The following DLG2 variants were observed in gnomAD, a reference collection of about 807,000 sequenced individuals.
The protein encoded by DLG2 is discs large MAGUK scaffold protein 2, also known as disks large homolog 2.
DLG2 carries 45 observed loss-of-function variants against 132.5 expected under a neutral mutation model. The observed-to-expected ratio is 0.34, with a 90% confidence interval of 0.27 to 0.44. The LOEUF (loss-of-function observed/expected upper bound fraction) is 0.44, where lower values mean the gene tolerates loss of function less well. Ranked by LOEUF, DLG2 falls within the 20% of genes least tolerant of loss-of-function variation. The probability of loss-of-function intolerance (pLI) is 1.00; values close to 1 mark genes in which losing one functional copy is unlikely to be tolerated. For missense variants in DLG2, 1,045 were observed against 1,196.9 expected, an observed-to-expected ratio of 0.87 and a Z score of 1.87; for synonymous variants, 424 against 419.6, an observed-to-expected ratio of 1.01 and a Z score of -0.13.
intron 11 of DLG2, among the ~76,000 whole-genome samples, chr11:84,054,776 ACT>A (rs1555302123): frequency 6.6e-6 from 1 of 152,110 alleles, no homozygotes; most frequent in Non-Finnish European, 1.5e-5. Flanking sequence ...GCCACAAATC[ACT>A]GTTTCACAGA....
intron 3 of DLG2, among the ~76,000 whole-genome samples, chr11:85,564,251 T>C (rs1240359854): frequency 6.6e-6 from 1 of 151,986 alleles, no homozygotes; most frequent in Non-Finnish European, 1.5e-5. Flanking sequence ...AAGGCAGAAG[T>C]TTTTAACTTT....
chr11:83,969,229 G>T (rs1382451603), intron 12 of DLG2, among the ~76,000 whole-genome samples: 3 of 152,120 alleles, frequency 2.0e-5, no homozygotes, highest in Admixed American at 2.0e-4. Context: ...AGATGAAAAT[G>T]AGATTATATT....
At chr11:84,407,585 C>T (rs1223724367) in intron 7 of DLG2, among the ~76,000 whole-genome samples, 1 of 152,136 alleles carries the variant, frequency 6.6e-6, no homozygotes, top group Non-Finnish European at 1.5e-5. Flanking sequence ...TCCTTCCAAC[C>T]CTGCTCTGAT....
chr11:84,025,464 C>A (rs2095513789), intron 11 of DLG2, among the ~76,000 whole-genome samples: 1 of 152,126 alleles, frequency 6.6e-6, no homozygotes, highest in Non-Finnish European at 1.5e-5. Flanking sequence ...ACAGCCAAAC[C>A]ATATCAGCTC....
chr11:84,710,313 T>C (rs1175199405), intron 6 of DLG2, among the ~76,000 whole-genome samples: 1 of 151,886 alleles, frequency 6.6e-6, no homozygotes, highest in Non-Finnish European at 1.5e-5. Context: ...TAACCTGAGG[T>C]GCCCACTATA....
At chr11:85,335,241 C>CT (rs34680409) in intron 3 of DLG2, among the ~76,000 whole-genome samples, 112,372 of 148,250 alleles carry the variant, frequency 0.76, 43,052 homozygotes, top group Non-Finnish European at 0.84. Flanking sequence ...AGCATCTCTG[C>CT]TTTTTTTTTT....
At chr11:84,451,006 C>T (rs1165752463) in intron 7 of DLG2, among the ~76,000 whole-genome samples, 1 of 151,814 alleles carries the variant, frequency 6.6e-6, no homozygotes, top group Non-Finnish European at 1.5e-5. Flanking sequence ...CAAACCTGCA[C>T]ATGTACCCTT....
chr11:84,346,843 T>C (rs943212635), intron 7 of DLG2, among the ~76,000 whole-genome samples: 3 of 152,210 alleles, frequency 2.0e-5, no homozygotes, highest in Non-Finnish European at 4.4e-5. Context: ...CCCAAGAGAC[T>C]GCAGTTTTCA....
chr11:83,986,697 T>G (rs1424515505), intron 11 of DLG2, among the ~76,000 whole-genome samples: 2 of 152,104 alleles, frequency 1.3e-5, no homozygotes, highest in African/African-American at 4.8e-5. Context: ...GTGTTCCTAT[T>G]TCTCCACATC....
intron 12 of DLG2, among the ~76,000 whole-genome samples, chr11:83,971,313 A>G (rs35540097): frequency 0.043 from 6,466 of 152,088 alleles, 198 homozygotes; most frequent in Non-Finnish European, 0.067. Context: ...GCCAAGAAAG[A>G]GAGGCTGGAG....
chr11:85,465,558 T>C (rs2092761223), intron 3 of DLG2, among the ~76,000 whole-genome samples: 1 of 152,162 alleles, frequency 6.6e-6, no homozygotes, highest in Non-Finnish European at 1.5e-5. Flanking sequence ...ATGTGGTATT[T>C]GGTTTTTTGT....
At chr11:85,137,231 T>C (rs971205949) in intron 5 of DLG2, among the ~76,000 whole-genome samples, 2 of 152,066 alleles carry the variant, frequency 1.3e-5, no homozygotes, top group Non-Finnish European at 2.9e-5. Context: ...GTAATAAATA[T>C]AAGCATGTTA....
At chr11:83,774,280 T>G (rs1162999676) in intron 18 of DLG2, among the ~76,000 whole-genome samples, 1 of 152,182 alleles carries the variant, frequency 6.6e-6, no homozygotes, top group Non-Finnish European at 1.5e-5. Flanking sequence ...TATCTCTCTC[T>G]CCACATAATA....
At chr11:83,884,306 C>T (rs530025888) in intron 15 of DLG2, among the ~76,000 whole-genome samples, 4 of 152,310 alleles carry the variant, frequency 2.6e-5, no homozygotes, top group East Asian at 1.9e-4. Flanking sequence ...GCATCTGGCT[C>T]GGAGGGTCCT....
intron 3 of DLG2, among the ~76,000 whole-genome samples, chr11:85,519,725 C>CGGATGAGATTTGG (rs1228402496): frequency 1.3e-5 from 2 of 152,066 alleles, no homozygotes; most frequent in Non-Finnish European, 2.9e-5. Flanking sequence ...TGGTTTGGCT[C>CGGATGAGATTTGG]ATCCAAATCT....
At chr11:83,860,808 C>T (rs2061334011) in intron 16 of DLG2, among the ~76,000 whole-genome samples, 1 of 152,054 alleles carries the variant, frequency 6.6e-6, no homozygotes, top group Non-Finnish European at 1.5e-5. Context: ...TGGGAGGGAC[C>T]CTGTGGGAGA....
At chr11:85,123,960 G>A (rs1445747564) in intron 5 of DLG2, among the ~76,000 whole-genome samples, 1 of 152,130 alleles carries the variant, frequency 6.6e-6, no homozygotes, top group Admixed American at 6.5e-5. Flanking sequence ...GAAGCCAGAG[G>A]AAATCCCCAT....
chr11:83,651,809 A>G (rs1479769676), intron 18 of DLG2: 1 of 471,010 alleles, frequency 2.1e-6, no homozygotes, highest in South Asian at 1.5e-5. Flanking sequence ...CACTTAGAGG[A>G]TTACAGCATG....
At chr11:85,290,439 C>T (rs544846391) in intron 3 of DLG2, among the ~76,000 whole-genome samples, 34 of 151,994 alleles carry the variant, frequency 2.2e-4, no homozygotes, top group African/African-American at 7.7e-4. Flanking sequence ...CAACATTGGA[C>T]TTAAGAAATA....
Sources: gnomAD v4.1 joint callset for allele counts (sites outside exome capture counted in the v4.1 genomes callset) on GRCh38, gnomAD v4.1.1 for gene constraint, MANE v1.5 for transcripts, NCBI Gene and HGNC (gene_info 2026-07-23, HGNC 2026-07-21) for gene names.